WWP1: variants seen among roughly 807,000 people sequenced by gnomAD.
WWP1 encodes WW domain containing E3 ubiquitin protein ligase 1.
WWP1 carries 49 observed loss-of-function variants against 130.6 expected under a neutral mutation model. The ratio of observed to expected loss-of-function variants is 0.38; its 90% CI spans 0.30 to 0.48. The LOEUF (loss-of-function observed/expected upper bound fraction) is 0.48. Among genes scored for constraint, WWP1 ranks in the 20% least tolerant of loss-of-function variants. The pLI is 0.99. For missense variants in WWP1, 809 were observed against 1,100.6 expected (o/e 0.74, Z 3.75); for synonymous variants, 332 against 367.8 (o/e 0.90, Z 1.11).
At chr8:86,442,818 A>G in intron 18 of WWP1, 40 bp downstream of exon 18, 1 of 1,531,800 alleles carries the variant, frequency 6.5e-7, no homozygotes, top group Non-Finnish European at 8.7e-7. Context: ...TAAGTTTGTT[A>G]CAAATGTATT....
rs1812262798 is a variant in WWP1, at chr8:86,467,923, T to C, written c.*1030T>C. 6.5e-6 allele frequency: 1 copy of C among 153,356 alleles called. No individual in the cohort carries two copies. The highest frequency in any genetic ancestry group is 2.4e-5 in the African/African-American group (1 of 41,482). 9.5% of individuals were successfully genotyped at this position (153,356 alleles called of 1,614,324 possible). On this transcript the variant is annotated 3_prime_UTR_variant, in exon 25 of 25. Coordinates refer to ENST00000517970, the MANE Select transcript of WWP1 (RefSeq NM_007013.4). ...TCCTCTCAAATTCATAACAGTTCTA[T>C]TTAACTGAATTAAATAACCATATGA...
chr8:86,426,885 A>G (rs1205226650), intron 10 of WWP1, among the ~76,000 whole-genome samples: 1 of 152,208 alleles, frequency 6.6e-6, no homozygotes, highest in South Asian at 2.1e-4. Context: ...GAGGCCGGGC[A>G]TGGTGGCTCA....
intron 5 of WWP1, among the ~76,000 whole-genome samples, chr8:86,387,369 C>T (rs1056081654): frequency 3.9e-5 from 6 of 151,990 alleles, no homozygotes; most frequent in Admixed American, 1.3e-4. Context: ...AATAATAACA[C>T]GGATTCTACT....
In WWP1 at chr8:86,411,617, C is replaced by G. The variant is rs1188462951; in HGVS notation, c.804C>G (p.Ala268=). ...TGTPVVSEEN[A]LSPNCTSTTV... Reference sequence around the variant, plus strand: ...CTCCAGTAGTGTCTGAAGAAAATGCCTTGTCTCCAAATTGCACTAGTACTA... The same window carrying G: ...CTCCAGTAGTGTCTGAAGAAAATGCGTTGTCTCCAAATTGCACTAGTACTA... The change falls in exon 9 of 25, where the codon GCC becomes GCG. Residue 268 remains alanine (A), a synonymous_variant. Coordinates refer to ENST00000517970, the MANE Select transcript of WWP1 (RefSeq NM_007013.4). 5 of 1,614,124 alleles carry G rather than the reference C, an allele frequency of 3.1e-6. No individual in the cohort carries two copies.
intron 1 of WWP1, among the ~76,000 whole-genome samples, chr8:86,366,803 G>A (rs118022824): frequency 6.6e-6 from 1 of 152,212 alleles, no homozygotes; most frequent in East Asian, 1.9e-4. Flanking sequence ...AAACTGGGAC[G>A]AGTTGGTCAC....
intron 21 of WWP1, among the ~76,000 whole-genome samples, 170 bp from the exon 22 acceptor site, chr8:86,457,751 T>C (rs896272382): frequency 6.6e-6 from 1 of 152,186 alleles, no homozygotes; most frequent in Non-Finnish European, 1.5e-5. Context: ...GAATCCTTTA[T>C]GCTAAATTGC....
intron 9 of WWP1, among the ~76,000 whole-genome samples, chr8:86,420,934 T>G (rs1809168317): frequency 2.0e-5 from 3 of 152,222 alleles, no homozygotes; most frequent in African/African-American, 7.2e-5. Flanking sequence ...CAAGGACTGC[T>G]TATGGGAATT....
intron 17 of WWP1, 66 bp from the exon 18 acceptor site, chr8:86,442,553 A>G (rs981486205): frequency 1.4e-6 from 2 of 1,417,260 alleles, no homozygotes; most frequent in Admixed American, 2.3e-5. Flanking sequence ...ATATGAATAT[A>G]TTTAAGATCT....
intron 2 of WWP1, among the ~76,000 whole-genome samples, chr8:86,369,298 C>T (rs576002131): frequency 1.3e-5 from 2 of 152,010 alleles, no homozygotes; most frequent in African/African-American, 2.4e-5. Context: ...AAATGAAGTG[C>T]GGAGAATAAT....
Position 86,425,223 on chromosome 8 carries a change from G to T in WWP1, c.1062G>T (p.Gly354=). 6.2e-7 allele frequency: 1 copy of T among 1,606,874 alleles called. No individual in the cohort carries two copies. Among genetic ancestry groups the T allele is most frequent in the East Asian group, 2.2e-5 (1 of 44,700 alleles). Residue 354 remains glycine, a splice_region_variant and synonymous_variant, in exon 10 of 25, where the codon GGG becomes GGT. Transcript: ENST00000517970. ...GNANTETLPS[G]WEQRKDPHGR... ...TGTTATTTTTGTATTTTTATTAAAG[G>T]TGGGAACAAAGAAAAGATCCTCATG...
intron 5 of WWP1, among the ~76,000 whole-genome samples, chr8:86,396,587 A>T (rs1398227169): frequency 7.2e-6 from 1 of 138,666 alleles, no homozygotes. Context: ...TTTTGCAAAG[A>T]ATTTCTTTTT....
chr8:86,387,499 A>G lies in WWP1; in HGVS notation c.334+5870A>G, dbSNP rs550436769. Reference sequence around the variant, plus strand: ...TTCATATATGTATATTTATTTATTTATTTATTTATTTTATCATTATTATTT... The same window carrying G: ...TTCATATATGTATATTTATTTATTTGTTTATTTATTTTATCATTATTATTT... On this transcript the variant is annotated intron_variant, in intron 5 of 24. Coordinates refer to ENST00000517970, the MANE Select transcript of WWP1 (RefSeq NM_007013.4). Among the ~76,000 whole-genome samples the G allele has an allele frequency of 6.6e-4, 100 of 151,700 alleles. 1 individual carries two copies. The highest frequency in any genetic ancestry group is 2.3e-3 in the African/African-American group (97 of 41,380).
chr8:86,425,515 G>T (rs1178016964), intron 10 of WWP1, among the ~76,000 whole-genome samples, 197 bp downstream of exon 10: 3 of 152,096 alleles, frequency 2.0e-5, no homozygotes, highest in Admixed American at 1.3e-4. Flanking sequence ...GTCAAGCATT[G>T]GCATGAGTTA....
intron 3 of WWP1, among the ~76,000 whole-genome samples, chr8:86,376,207 T>G (rs972915739): frequency 6.6e-6 from 1 of 152,222 alleles, no homozygotes; most frequent in African/African-American, 2.4e-5. Context: ...GTAGGACCAA[T>G]GGACAGTACA....
rs530021486 is a variant in WWP1, at chr8:86,381,708, A to G, written c.334+79A>G. The G allele has an allele frequency of 5.2e-6, 7 of 1,358,048 alleles. No individual in the cohort carries two copies. The South Asian group carries it at 1.2e-4, about 24-fold the overall frequency. 84.1% of individuals were successfully genotyped at this position (1,358,048 alleles called of 1,614,324 possible). On this transcript the variant is annotated intron_variant, in intron 5 of 24. Coordinates refer to ENST00000517970, the MANE Select transcript of WWP1 (RefSeq NM_007013.4). ...GAACATATCCTGAATCCTAAAAGCA[A>G]AAACATAGTTTTGTATCCATAAAGA...
chr8:86,419,651 A>G (rs1339551789), intron 9 of WWP1, among the ~76,000 whole-genome samples: 1 of 152,200 alleles, frequency 6.6e-6, no homozygotes, highest in Non-Finnish European at 1.5e-5. Flanking sequence ...AAAGAGAGAA[A>G]ATGGGAGGAA....
intron 5 of WWP1, among the ~76,000 whole-genome samples, chr8:86,395,389 A>G (rs939149793): frequency 4.8e-5 from 6 of 125,508 alleles, no homozygotes; most frequent in Non-Finnish European, 1.7e-5. Flanking sequence ...AAAATAGGTA[A>G]TGGACCAGAT....
intron 3 of WWP1, among the ~76,000 whole-genome samples, chr8:86,380,399 G>A (rs1008121151): frequency 2.6e-5 from 4 of 152,090 alleles, no homozygotes; most frequent in African/African-American, 9.7e-5. Flanking sequence ...CTGCTTAATG[G>A]TATGGAGTTT....
chr8:86,343,698 A>G (rs1822383050), intron 1 of WWP1, among the ~76,000 whole-genome samples: 1 of 152,142 alleles, frequency 6.6e-6, no homozygotes, highest in South Asian at 2.1e-4. Context: ...ACCAAAGAAG[A>G]GTAGTGTCTG....
Sources: gnomAD v4.1 joint callset for allele counts (sites outside exome capture counted in the v4.1 genomes callset) on GRCh38, gnomAD v4.1.1 for gene constraint, MANE v1.5 for transcripts, NCBI Gene and HGNC (gene_info 2026-07-23, HGNC 2026-07-21) for gene names.